The following FRAS1 variants were observed in gnomAD, a reference collection of about 807,000 sequenced individuals.
The protein encoded by FRAS1 is Fraser extracellular matrix complex subunit 1, also known as extracellular matrix organizing protein FRAS1.
FRAS1 carries 290 observed loss-of-function variants against 435.2 expected under a neutral mutation model. That is an observed-to-expected ratio of 0.67 (90% CI 0.61 to 0.73). The LOEUF (loss-of-function observed/expected upper bound fraction) is 0.73. FRAS1 is among the 30% of genes least tolerant of loss of function. The pLI, the probability that FRAS1 is intolerant of heterozygous loss-of-function variation, is 0.00. For synonymous variants in FRAS1, 1,800 were observed against 1,851.0 expected (o/e 0.97, Z 0.71); for missense variants, 4,860 against 5,001.5 (o/e 0.97, Z 0.85).
At chr4:78,118,987 T>C (rs143263906) in intron 2 of FRAS1, among the ~76,000 whole-genome samples, 83 of 151,214 alleles carry the variant, frequency 5.5e-4, no homozygotes, top group South Asian at 5.2e-3. Context: ...TTTTATATTG[T>C]GTATGTAACT....
chr4:78,310,937 A>G (rs1728992241), intron 15 of FRAS1, among the ~76,000 whole-genome samples: 2 of 152,346 alleles, frequency 1.3e-5, no homozygotes, highest in South Asian at 4.1e-4. Flanking sequence ...CCTGTTATGA[A>G]GGGTGGTATG....
At chr4:78,478,485 T>A (rs377374486) in intron 55 of FRAS1, among the ~76,000 whole-genome samples, 1 of 152,226 alleles carries the variant, frequency 6.6e-6, no homozygotes, top group East Asian at 1.9e-4. Flanking sequence ...GACAGTCATA[T>A]GTAGAGCTCA....
At chr4:78,367,257 A>AT in intron 22 of FRAS1, among the ~76,000 whole-genome samples, 1 of 152,036 alleles carries the variant, frequency 6.6e-6, no homozygotes, top group Non-Finnish European at 1.5e-5. Flanking sequence ...ATTAAAAAAT[A>AT]AGCTGGGCAT....
rs751045243 is a variant in FRAS1, at chr4:78,068,032, TG to T, written c.108+2017del. ...CCTGAGATACTTGTTATTGTAGTTA[TG>T]CAATTCAGTCTGAGAGACAATATAT... On this transcript the variant is annotated intron_variant, in intron 2 of 73. Transcript: ENST00000512123. Among the ~76,000 whole-genome samples, 21 of 152,090 alleles carry T rather than the reference TG, an allele frequency of 1.4e-4. 1 individual carries two copies. The highest frequency in any genetic ancestry group is 1.0e-3 in the Admixed American group (16 of 15,258).
chr4:78,418,637 C>A (rs1212664751), intron 32 of FRAS1, among the ~76,000 whole-genome samples: 2 of 152,150 alleles, frequency 1.3e-5, no homozygotes, highest in Admixed American at 6.6e-5. Flanking sequence ...CATTTGCAAA[C>A]GTGTTCCACC....
At chr4:78,307,945 C>T in intron 14 of FRAS1, 121 bp from the exon 15 acceptor site, 1 of 925,370 alleles carries the variant, frequency 1.1e-6, no homozygotes, top group Non-Finnish European at 1.6e-6. Flanking sequence ...GTGTCAATAG[C>T]AGTTTAGGAA....
chr4:78,269,566 G>C (rs1726550269), intron 9 of FRAS1, among the ~76,000 whole-genome samples: 1 of 152,134 alleles, frequency 6.6e-6, no homozygotes, highest in Non-Finnish European at 1.5e-5. Flanking sequence ...TTATCACACT[G>C]GTTATCAACA....
At chr4:78,387,996 G>A (rs1732289236) in intron 29 of FRAS1, among the ~76,000 whole-genome samples, 1 of 152,050 alleles carries the variant, frequency 6.6e-6, no homozygotes, top group Admixed American at 6.5e-5. Context: ...ATAACCATAA[G>A]AATCAAGATA....
At chr4:78,234,618 A>G (rs1224214450) in intron 2 of FRAS1, among the ~76,000 whole-genome samples, 1 of 152,230 alleles carries the variant, frequency 6.6e-6, no homozygotes, top group Non-Finnish European at 1.5e-5. Flanking sequence ...ATAGCAATAA[A>G]AAGAAAGAAA....
At chr4:78,114,351 T>C (rs58069750) in intron 2 of FRAS1, among the ~76,000 whole-genome samples, 9,550 of 152,256 alleles carry the variant, frequency 0.063, 815 homozygotes, top group African/African-American at 0.19. Flanking sequence ...AAGTAGTTTT[T>C]TCCAATTCTG....
At chr4:78,215,577 A>G (rs1442344440) in intron 2 of FRAS1, among the ~76,000 whole-genome samples, 3 of 152,194 alleles carry the variant, frequency 2.0e-5, no homozygotes, top group Non-Finnish European at 1.5e-5. Context: ...TCATTTTGCA[A>G]AATGGAAACT....
intron 2 of FRAS1, among the ~76,000 whole-genome samples, chr4:78,120,628 G>A (rs540382708): frequency 1.3e-5 from 2 of 152,116 alleles, no homozygotes; most frequent in African/African-American, 4.8e-5. Context: ...TGTTCAAGAG[G>A]AGGCCATTTG....
At chr4:78,180,940 C>T in intron 2 of FRAS1, 1 of 1,610,248 alleles carries the variant, frequency 6.2e-7, no homozygotes, top group Non-Finnish European at 8.5e-7. Context: ...GTCCTGCTGC[C>T]ACGGTTTGGG....
At chr4:78,217,580 T>C (rs1409080244) in intron 2 of FRAS1, among the ~76,000 whole-genome samples, 1 of 152,104 alleles carries the variant, frequency 6.6e-6, no homozygotes, top group African/African-American at 2.4e-5. Context: ...TCATCTCCCA[T>C]GTTTAGTCTG....
At chr4:78,470,867 A>T (rs1387615885) in intron 51 of FRAS1, among the ~76,000 whole-genome samples, 1 of 152,090 alleles carries the variant, frequency 6.6e-6, no homozygotes, top group Non-Finnish European at 1.5e-5. Context: ...ATATTAAGCA[A>T]GTGATACAGA....
chr4:78,241,234 C>T (rs116625163), intron 3 of FRAS1, among the ~76,000 whole-genome samples: 2,563 of 152,294 alleles, frequency 0.017, 71 homozygotes, highest in African/African-American at 0.058. Context: ...TCAAGCCCTT[C>T]GGTGTGCTTC....
rs1477729784 is a variant in FRAS1 at position 78,317,431 on chromosome 4, C to T, written c.1883C>T (p.Pro628Leu). 6.2e-7 allele frequency: 1 copy of T among 1,613,774 alleles called. No individual in the cohort carries two copies. The highest frequency in any genetic ancestry group is 1.3e-5 in the African/African-American group (1 of 74,906). The change falls in exon 17 of 74, where the codon CCC (proline) becomes CTC (leucine). Residue 628 changes from proline to leucine, a missense_variant. Transcript: ENST00000512123. ...CCCTCTCACTGTACAGCCTGCAGCC[C>T]CCCCAAGGCTCTGCGTCAAGGCCAC... ...PTPSHCTACS[P>L]PKALRQGHCL...
chr4:78,059,020 G>A (rs959228513), intron 1 of FRAS1, among the ~76,000 whole-genome samples: 1 of 152,208 alleles, frequency 6.6e-6, no homozygotes, highest in East Asian at 1.9e-4. Flanking sequence ...CACAGCGCCT[G>A]GCTCTCGGCT....
At chr4:78,095,219 C>T (rs1741736643) in intron 2 of FRAS1, among the ~76,000 whole-genome samples, 1 of 152,060 alleles carries the variant, frequency 6.6e-6, no homozygotes, top group Admixed American at 6.5e-5. Context: ...TAGCTAGATC[C>T]TGGTTGGTTA....
Sources: gnomAD v4.1 joint callset for allele counts (sites outside exome capture counted in the v4.1 genomes callset) on GRCh38, gnomAD v4.1.1 for gene constraint, MANE v1.5 for transcripts, NCBI Gene and HGNC (gene_info 2026-07-23, HGNC 2026-07-21) for gene names.